The following PRKG1 variants were observed in gnomAD, a reference collection of about 807,000 sequenced individuals.
PRKG1 encodes the protein cGMP-dependent protein kinase 1.
PRKG1 carries 35 observed loss-of-function variants against 88.1 expected under a neutral mutation model. The ratio of observed to expected loss-of-function variants is 0.40; its 90% CI spans 0.30 to 0.53. The LOEUF (loss-of-function observed/expected upper bound fraction) is 0.53. Among genes scored for constraint, PRKG1 ranks in the 20% least tolerant of loss-of-function variants. The pLI, the probability that PRKG1 is intolerant of heterozygous loss-of-function variation, is 0.59. For missense variants in PRKG1, 540 were observed against 839.8 expected (o/e 0.64, Z 4.41); for synonymous variants, 303 against 292.5 (o/e 1.04, Z -0.37).
chr10:51,420,725 T>C (rs1294434350), intron 2 of PRKG1, among the ~76,000 whole-genome samples: 1 of 152,188 alleles, frequency 6.6e-6, no homozygotes, highest in Non-Finnish European at 1.5e-5. Context: ...AAGAAATACC[T>C]GAGACTGGGT....
At chr10:51,988,570 A>G (rs1385871849) in intron 5 of PRKG1, among the ~76,000 whole-genome samples, 1 of 152,070 alleles carries the variant, frequency 6.6e-6, no homozygotes, top group Non-Finnish European at 1.5e-5. Context: ...GGTTTGAGGT[A>G]TCATTGTTTA....
chr10:51,916,829 T>C (rs142601931), intron 5 of PRKG1, among the ~76,000 whole-genome samples: 1 of 152,334 alleles, frequency 6.6e-6, no homozygotes, highest in Non-Finnish European at 1.5e-5. Flanking sequence ...CAATAAAATA[T>C]TACTTGACTT....
At chr10:51,853,291 T>C (rs1479656978) in intron 4 of PRKG1, among the ~76,000 whole-genome samples, 1 of 152,186 alleles carries the variant, frequency 6.6e-6, no homozygotes. Flanking sequence ...GGATAGTAAA[T>C]AAATATTCTT....
rs182148965 is a variant in PRKG1, at chr10:52,182,593, T to A, written c.1076+20630T>A. ...GTCTAACGTTTAAATCTTTAATCCA[T>A]CTTGAATTAATTTTTGTATAAGGTG... On this transcript the variant is annotated intron_variant, in intron 9 of 17. Transcript: ENST00000373980. Among the ~76,000 whole-genome samples the A allele has an allele frequency of 4.1e-3, 563 of 136,558 alleles. 6 individuals carry two copies. The highest frequency in any genetic ancestry group is 0.016 in the African/African-American group (533 of 34,284). 89.6% of individuals were successfully genotyped at this position (136,558 alleles called of 152,430 possible).
At chr10:51,670,585 A>T (rs889418091) in intron 3 of PRKG1, among the ~76,000 whole-genome samples, 20 of 149,162 alleles carry the variant, frequency 1.3e-4, no homozygotes, top group Admixed American at 4.7e-4. Flanking sequence ...AAATACAAAA[A>T]ATTAGCCGGG....
chr10:51,074,830 C>A lies in PRKG1; in HGVS notation c.240C>A (p.Ser80=). Reference sequence around the variant, plus strand: ...CGCGCACCAAGCGGCAGGCGATCTCCGCCGAGCCCACCGCCTTCGACATCC... The same window carrying A: ...CGCGCACCAAGCGGCAGGCGATCTCAGCCGAGCCCACCGCCTTCGACATCC... ...GEPRTKRQAI[S]AEPTAFDIQD... is the part of the protein sequence containing the mutation. Residue 80 remains serine, a synonymous_variant, in exon 1 of 18, where the codon TCC becomes TCA. Coordinates refer to ENST00000373980, the MANE Select transcript of PRKG1 (RefSeq NM_006258.4). 6.2e-7 allele frequency: 1 copy of A among 1,613,614 alleles called. No individual in the cohort carries two copies.
At chr10:51,921,135 T>G (rs889202174) in intron 5 of PRKG1, among the ~76,000 whole-genome samples, 6 of 152,128 alleles carry the variant, frequency 3.9e-5, no homozygotes, top group Non-Finnish European at 8.8e-5. Context: ...CTCTTCCACC[T>G]ACTTATCCCC....
Position 51,970,001 on chromosome 10 carries a change from T to TACACACACACACAC in PRKG1, c.762+62468_762+62481dup, listed in dbSNP as rs35117709. On this transcript the variant is annotated intron_variant, in intron 5 of 17. Coordinates refer to ENST00000373980, the MANE Select transcript of PRKG1 (RefSeq NM_006258.4). ...TTGCTTTATTTGCCCATTCTCTTCA[T>TACACACACACACAC]ACACACACACACACACACACACACA... Among the ~76,000 whole-genome samples, 211 of 144,584 alleles carry TACACACACACACAC rather than the reference T, an allele frequency of 1.5e-3. 3 individuals carry two copies. The highest frequency in any genetic ancestry group is 2.3e-3 in the Non-Finnish European group (151 of 65,924). 94.9% of individuals were successfully genotyped at this position (144,584 alleles called of 152,430 possible).
At chr10:52,144,157 T>C (rs963667577) in intron 8 of PRKG1, among the ~76,000 whole-genome samples, 1 of 152,114 alleles carries the variant, frequency 6.6e-6, no homozygotes, top group African/African-American at 2.4e-5. Context: ...GGGAAGGACC[T>C]GTATAGAAGA....
chr10:51,123,078 A>G (rs1386955582), intron 1 of PRKG1, among the ~76,000 whole-genome samples: 2 of 152,196 alleles, frequency 1.3e-5, no homozygotes, highest in Admixed American at 6.5e-5. Flanking sequence ...TGTTGTACTG[A>G]GCTACCTCAC....
At chr10:51,887,049 C>T (rs1841588138) in intron 4 of PRKG1, among the ~76,000 whole-genome samples, 1 of 152,152 alleles carries the variant, frequency 6.6e-6, no homozygotes, top group African/African-American at 2.4e-5. Flanking sequence ...TGCAGTGGTG[C>T]ATCTCCACTC....
At chr10:52,290,358 C>A in intron 17 of PRKG1, 68 bp downstream of exon 17, 1 of 1,324,506 alleles carries the variant, frequency 7.5e-7, no homozygotes, top group Non-Finnish European at 1.1e-6. Context: ...CAACAATGAT[C>A]TGTTATTTTT....
intron 7 of PRKG1, among the ~76,000 whole-genome samples, chr10:52,113,379 GATGGATAGATGA>G (rs1339181157): frequency 1.3e-5 from 2 of 152,190 alleles, no homozygotes; most frequent in East Asian, 3.9e-4. Flanking sequence ...TGGATGGATG[GATGGATAGATGA>G]ATGGATGGAT....
intron 2 of PRKG1, among the ~76,000 whole-genome samples, chr10:51,447,919 C>A (rs555488936): frequency 1.3e-5 from 2 of 152,158 alleles, no homozygotes; most frequent in African/African-American, 4.8e-5. Context: ...CAAATGGCTT[C>A]TCATTAATAT....
intron 3 of PRKG1, among the ~76,000 whole-genome samples, chr10:51,734,407 GTTATT>G (rs528929035): frequency 1.3e-5 from 2 of 152,040 alleles, no homozygotes; most frequent in East Asian, 1.9e-4. Flanking sequence ...GAGAGATATT[GTTATT>G]TTATTTTATT....
At chr10:52,261,832 T>C (rs1841440761) in intron 10 of PRKG1, among the ~76,000 whole-genome samples, 1 of 152,112 alleles carries the variant, frequency 6.6e-6, no homozygotes, top group Non-Finnish European at 1.5e-5. Flanking sequence ...TTAAGAAATG[T>C]ATATAATCCA....
intron 2 of PRKG1, among the ~76,000 whole-genome samples, chr10:51,446,273 A>C (rs1839270363): frequency 6.6e-6 from 1 of 151,886 alleles, no homozygotes; most frequent in Non-Finnish European, 1.5e-5. Flanking sequence ...TTTTAACTAG[A>C]AGTGTTCCTC....
At chr10:51,256,748 T>A (rs1286861644) in intron 2 of PRKG1, among the ~76,000 whole-genome samples, 1 of 151,836 alleles carries the variant, frequency 6.6e-6, no homozygotes, top group Non-Finnish European at 1.5e-5. Flanking sequence ...GATGAGGCAT[T>A]CTCTCAGTGG....
Position 51,699,637 on chromosome 10 carries a change from CT to C in PRKG1, c.593-104945del, listed in dbSNP as rs879138549. The stretch of plus-strand genomic sequence containing the variant: ...CACTTCCGCTGAGCAACGGAAGCGG[CT>C]TTCAAGATCCGGGCAGAAACTTTAC... On this transcript the variant is annotated intron_variant, in intron 3 of 17. Transcript: ENST00000373980. 1.2e-4 allele frequency: 173 copies of C among 1,463,372 alleles called. 4 individuals carry two copies. The South Asian group carries it at 2.3e-3, about 19-fold the overall frequency. 90.6% of individuals were successfully genotyped at this position (1,463,372 alleles called of 1,614,324 possible).
Sources: allele counts gnomAD v4.1 joint callset (sites outside exome capture counted in the v4.1 genomes callset), GRCh38; gene constraint gnomAD v4.1.1; transcripts MANE v1.5; gene names NCBI Gene and HGNC (gene_info 2026-07-23, HGNC 2026-07-21).